Variants in ASMTL observed in about 807,000 individuals in gnomAD.
ASMTL encodes the protein acetylserotonin O-methyltransferase like, also known as probable bifunctional dTTP/UTP pyrophosphatase/methyltransferase protein.
In ASMTL, 57 loss-of-function variants were observed where a neutral mutation model predicts 60.3. That is an observed-to-expected ratio of 0.95 (90% CI 0.76 to 1.18). The LOEUF is 1.18. Among genes scored for constraint, ASMTL ranks in the 50% most tolerant of loss-of-function variants. The pLI, the probability that ASMTL is intolerant of heterozygous loss-of-function variation, is 0.00. For synonymous variants in ASMTL, 419 were observed against 373.0 expected (o/e 1.12, Z -1.42); for missense variants, 981 against 852.6 (o/e 1.15, Z -1.88).
intron 11 of ASMTL, among the ~76,000 whole-genome samples, chrX:1,416,117 GCA>G (rs1233351815): frequency 7.0e-6 from 1 of 143,122 alleles, no homozygotes. Context: ...ACACCAACAG[GCA>G]CACACAGACG....
chrX:1,418,209 G>A, intron 10 of ASMTL, 93 bp from the exon 11 acceptor site: 1 of 1,385,192 alleles, frequency 7.2e-7, no homozygotes, highest in South Asian at 1.4e-5. Flanking sequence ...TAATGTTCAA[G>A]GGCATGGCAT....
Position 1,442,284 on chromosome X carries a change from T to C in ASMTL, c.127A>G (p.Lys43Glu). 1 of 1,613,806 alleles carries C rather than the reference T, an allele frequency of 6.2e-7. No individual in the cohort carries two copies. The highest frequency in any genetic ancestry group is 8.5e-7 in the Non-Finnish European group (1 of 1,179,844). ...AAGGAGGCTTTGTCCAGCTTCTCTT[T>C]AAACTTGGAGGGGACCACCTCAAAC... is the stretch of plus-strand genomic sequence containing the variant. ...LRFEVVPSKF[K>E]EKLDKASFAT... The change falls in exon 2 of 13, where the codon AAA (lysine) becomes GAA (glutamate). Residue 43 changes from lysine (K) to glutamate (E), a missense_variant. Transcript: ENST00000381317.
intron 9 of ASMTL, 55 bp downstream of exon 9, chrX:1,421,603 T>C (rs2090485224): frequency 1.3e-6 from 2 of 1,590,642 alleles, no homozygotes; most frequent in South Asian, 1.1e-5. Context: ...TGTGTCAAAG[T>C]GTTTTAGCAA....
chrX:1,438,975 G>A (rs1449332436), intron 3 of ASMTL, 122 bp downstream of exon 3: 1 of 1,112,916 alleles, frequency 9.0e-7, no homozygotes, highest in Admixed American at 1.9e-5. Flanking sequence ...TGTGATGGGA[G>A]TTTCTGGAAG....
chrX:1,415,058 A>G (rs2090184837), intron 11 of ASMTL, among the ~76,000 whole-genome samples: 1 of 19,056 alleles, frequency 5.2e-5, no homozygotes, highest in African/African-American at 6.4e-5. Flanking sequence ...CTCCTGCCTC[A>G]GCCTCCTGAA....
chrX:1,443,241 C>T (rs1160562738), intron 1 of ASMTL, among the ~76,000 whole-genome samples: 3 of 59,434 alleles, frequency 5.0e-5, no homozygotes, highest in Admixed American at 1.9e-4. Flanking sequence ...CACACACCGC[C>T]GTCGTGGACA....
chrX:1,425,951 G>A (rs1680474337), intron 7 of ASMTL, among the ~76,000 whole-genome samples: 1 of 152,206 alleles, frequency 6.6e-6, no homozygotes, highest in Non-Finnish European at 1.5e-5. Flanking sequence ...TATGGACTGA[G>A]TTCAAAACCC....
intron 6 of ASMTL, among the ~76,000 whole-genome samples, chrX:1,429,474 G>T (rs1281858354): frequency 2.0e-5 from 3 of 152,014 alleles, no homozygotes; most frequent in Non-Finnish European, 2.9e-5. Context: ...TGCCCGGCCT[G>T]TCTTTCTTTA....
At position 1,416,774 on chromosome X, in the gene ASMTL, G is replaced by C. The variant is rs751864258; in HGVS notation, c.1522+1199C>G. Among the ~76,000 whole-genome samples, 34 of 75,262 alleles carry C rather than the reference G, an allele frequency of 4.5e-4. No individual in the cohort carries two copies. The East Asian group carries it at 0.012, about 26-fold the overall frequency. The allele number at this position is 75,262 out of a possible 152,430, so 49.4% of individuals were successfully genotyped here. On this transcript the variant is annotated intron_variant, in intron 11 of 12. Coordinates refer to ENST00000381317, the MANE Select transcript of ASMTL (RefSeq NM_004192.4). ...GCACACACAGACACATGCACACACA[G>C]ACGTACACACAAGCACAGCAGTGAC...
rs777543205 is a variant in ASMTL, at chrX:1,422,210, G to A, written c.1061-368C>T. Among the ~76,000 whole-genome samples, 10 of 152,242 alleles carry A rather than the reference G, an allele frequency of 6.6e-5. No homozygotes were observed. In the East Asian group the frequency reaches 9.7e-4, roughly 15 times the overall value. ...CTAGATGTGGCTGTGGAGGTGTGCT[G>A]TAGCTGGCGTTTGCATCTACCATCA... is the stretch of plus-strand genomic sequence containing the variant. On this transcript the variant is annotated intron_variant, in intron 8 of 12. Transcript: ENST00000381317.
rs752386240 is a variant in ASMTL, at chrX:1,420,459, T to TCA, written c.1245+1197_1245+1198dup. Reference sequence around the variant, plus strand: ...CGGCTCCCTGGGGCTCATCTCTGCATCACACACACACACCCTGACTCCGTG... The same window carrying TCA: ...CGGCTCCCTGGGGCTCATCTCTGCATCACACACACACACACCCTGACTCCGTG... On this transcript the variant is annotated intron_variant, in intron 9 of 12. Transcript: ENST00000381317. Among the ~76,000 whole-genome samples, 261 of 152,044 alleles carry TCA rather than the reference T, an allele frequency of 1.7e-3. 1 individual carries two copies. Among genetic ancestry groups the TCA allele is most frequent in the Non-Finnish European group, 3.0e-3 (207 of 67,958 alleles).
Position 1,434,739 on chromosome X carries a change from G to A in ASMTL, c.400+283C>T, listed in dbSNP as rs2090914597. ...GAACTTGGGAGGCGGAGGTTGCAGT[G>A]AGCTGAGATCGTGCCACTGCCCTCC... On this transcript the variant is annotated intron_variant, in intron 5 of 12. Transcript: ENST00000381317. Among the ~76,000 whole-genome samples, 3 of 149,552 alleles carry A rather than the reference G, an allele frequency of 2.0e-5. No homozygotes were observed. The South Asian group carries it at 6.3e-4, about 32-fold the overall frequency.
At chrX:1,420,385 CTG>C (rs55684944) in intron 9 of ASMTL, among the ~76,000 whole-genome samples, 25,318 of 152,058 alleles carry the variant, frequency 0.17, 2,230 homozygotes, top group African/African-American at 0.2. Flanking sequence ...ATCTCTCTCT[CTG>C]TGTCTCCCTG....
intron 1 of ASMTL, among the ~76,000 whole-genome samples, chrX:1,447,474 T>C (rs764516102): frequency 2.0e-5 from 3 of 151,788 alleles, no homozygotes; most frequent in Non-Finnish European, 4.4e-5. Context: ...ACGGCCATGT[T>C]GGAGAAGCAC....
At chrX:1,420,723 G>T (rs1174016158) in intron 9 of ASMTL, among the ~76,000 whole-genome samples, 10 of 152,264 alleles carry the variant, frequency 6.6e-5, no homozygotes, top group African/African-American at 2.4e-4. Flanking sequence ...AGCGGCCTCA[G>T]ATAAGCAAGT....
intron 11 of ASMTL, among the ~76,000 whole-genome samples, chrX:1,417,546 GACAC>G (rs59114659): frequency 2.2e-5 from 3 of 137,056 alleles, no homozygotes; most frequent in East Asian, 4.7e-4. Flanking sequence ...CATGCACACA[GACAC>G]ACAAGCACGA....
At chrX:1,421,621 G>A (rs369791568) in intron 9 of ASMTL, 37 bp downstream of exon 9, 27 of 1,611,202 alleles carry the variant, frequency 1.7e-5, no homozygotes, top group African/African-American at 1.2e-4. Flanking sequence ...CAAAATGCAC[G>A]CTAGACGGAA....
intron 3 of ASMTL, among the ~76,000 whole-genome samples, chrX:1,437,636 G>A (rs1371144330): frequency 5.9e-5 from 9 of 152,138 alleles, no homozygotes; most frequent in Non-Finnish European, 7.3e-5. Flanking sequence ...GGTGGCTCAC[G>A]CCTGTAATCC....
intron 5 of ASMTL, among the ~76,000 whole-genome samples, chrX:1,434,237 C>A (rs1188876379): frequency 6.6e-6 from 1 of 152,178 alleles, no homozygotes; most frequent in Non-Finnish European, 1.5e-5. Context: ...CACCTGCAGT[C>A]CCAGCACTTT....
Sources: gnomAD v4.1 joint callset for allele counts (sites outside exome capture counted in the v4.1 genomes callset) on GRCh38, gnomAD v4.1.1 for gene constraint, MANE v1.5 for transcripts, NCBI Gene and HGNC (gene_info 2026-07-23, HGNC 2026-07-21) for gene names.